The following KAZN variants were observed in gnomAD, a reference collection of about 807,000 sequenced individuals.
KAZN encodes kazrin.
Under a neutral mutation model 87.4 loss-of-function variants are expected in KAZN, and 40 were observed. The observed-to-expected ratio is 0.46, with a 90% confidence interval of 0.36 to 0.60. The LOEUF (loss-of-function observed/expected upper bound fraction) is 0.60. KAZN is among the 20% of genes least tolerant of loss of function. The pLI is 0.00. For synonymous variants in KAZN, 466 were observed against 458.3 expected (o/e 1.02, Z -0.22); for missense variants, 898 against 1,073.9 (o/e 0.84, Z 2.29).
intron 4 of KAZN, among the ~76,000 whole-genome samples, chr1:15,049,475 C>A (rs2100416815): frequency 6.6e-6 from 1 of 152,292 alleles, no homozygotes; most frequent in East Asian, 1.9e-4. Flanking sequence ...GCAGCACCCC[C>A]TCCACCCCAG....
chr1:14,435,868 A>C (rs907178938), intron 2 of KAZN, among the ~76,000 whole-genome samples: 1 of 151,624 alleles, frequency 6.6e-6, no homozygotes, highest in African/African-American at 2.4e-5. Context: ...ACGATATCTT[A>C]GAATGGGGAT....
At chr1:14,445,135 T>C (rs1203773792) in intron 2 of KAZN, among the ~76,000 whole-genome samples, 2 of 151,940 alleles carry the variant, frequency 1.3e-5, no homozygotes, top group African/African-American at 2.4e-5. Context: ...AAGCTATTCT[T>C]CTGCCTCAGC....
chr1:14,399,898 T>TCTC (rs1663240662), intron 2 of KAZN, among the ~76,000 whole-genome samples: 1 of 152,202 alleles, frequency 6.6e-6, no homozygotes, highest in African/African-American at 2.4e-5. Flanking sequence ...ATGGCATTTA[T>TCTC]ACCCTGTTCA....
intron 2 of KAZN, among the ~76,000 whole-genome samples, chr1:14,465,803 A>G (rs183900982): frequency 5.8e-4 from 89 of 152,322 alleles, no homozygotes; most frequent in Non-Finnish European, 1.0e-3. Flanking sequence ...TAGGCCAAAT[A>G]AAAAATGTCT....
chr1:14,418,569 A>G (rs796747335), intron 2 of KAZN, among the ~76,000 whole-genome samples: 36 of 152,350 alleles, frequency 2.4e-4, no homozygotes, highest in African/African-American at 8.7e-4. Context: ...ATTTATCACC[A>G]TCAGGCAAGG....
At position 15,016,179 on chromosome 1, in the gene KAZN, C is replaced by T. The variant is rs923028666; in HGVS notation, c.419-18570C>T. Among the ~76,000 whole-genome samples the T allele has an allele frequency of 4.6e-5, 7 of 152,178 alleles. No individual in the cohort carries two copies. In the South Asian group the frequency reaches 6.2e-4, roughly 13 times the overall value. On this transcript the variant is annotated intron_variant, in intron 2 of 14. Transcript: ENST00000376030. ...TCAGGGTGACACATCTACAGGCCGA[C>T]GGACGCCAGGGACTGTGGCGAAACT...
chr1:14,557,125 C>T (rs1458812702), intron 2 of KAZN, among the ~76,000 whole-genome samples: 6 of 151,908 alleles, frequency 3.9e-5, no homozygotes, highest in South Asian at 2.1e-4. Flanking sequence ...GCAGAAATAA[C>T]GTGGGCAAAT....
At chr1:14,948,116 G>A (rs914649099) in intron 1 of KAZN, among the ~76,000 whole-genome samples, 2 of 152,192 alleles carry the variant, frequency 1.3e-5, no homozygotes, top group African/African-American at 4.8e-5. Context: ...TTGTAGGGAA[G>A]CTAAGTGCCC....
chr1:14,940,478 G>T (rs1660930484), intron 1 of KAZN, among the ~76,000 whole-genome samples: 2 of 152,210 alleles, frequency 1.3e-5, no homozygotes, highest in Non-Finnish European at 2.9e-5. Context: ...TGGCACGGGG[G>T]CCAGCTTCGT....
At chr1:14,081,278 C>G (rs1392088453) in intron 1 of KAZN, among the ~76,000 whole-genome samples, 1 of 152,016 alleles carries the variant, frequency 6.6e-6, no homozygotes, top group African/African-American at 2.4e-5. Flanking sequence ...CACTTGGGGC[C>G]CCGTTGTTGA....
intron 6 of KAZN, 31 bp from the exon 7 acceptor site, chr1:15,063,541 G>A: frequency 6.2e-7 from 1 of 1,605,524 alleles, no homozygotes; most frequent in Non-Finnish European, 8.5e-7. Context: ...TGTCTCTGCT[G>A]TTTCATCTTC....
intron 2 of KAZN, among the ~76,000 whole-genome samples, chr1:14,354,909 AACTTT>A (rs1239779235): frequency 6.6e-6 from 1 of 152,240 alleles, no homozygotes; most frequent in African/African-American, 2.4e-5. Flanking sequence ...TATTCATAGT[AACTTT>A]ATTCATAATA....
intron 2 of KAZN, among the ~76,000 whole-genome samples, chr1:14,503,672 A>G (rs1346197033): frequency 1.3e-5 from 2 of 151,630 alleles, no homozygotes; most frequent in Admixed American, 1.3e-4. Flanking sequence ...ACCGTCTCCC[A>G]TGTCCAACCC....
At chr1:14,477,364 CG>C (rs1432848342) in intron 2 of KAZN, among the ~76,000 whole-genome samples, 1 of 151,942 alleles carries the variant, frequency 6.6e-6, no homozygotes, top group Non-Finnish European at 1.5e-5. Context: ...TTCCCAGCTT[CG>C]GGTACGTCTT....
intron 1 of KAZN, among the ~76,000 whole-genome samples, chr1:14,094,293 T>C (rs1644078310): frequency 6.6e-6 from 1 of 152,158 alleles, no homozygotes; most frequent in Admixed American, 6.5e-5. Flanking sequence ...AGTTCAGCGA[T>C]TCTGGAGGGC....
At chr1:15,006,147 A>G (rs111242082) in intron 2 of KAZN, among the ~76,000 whole-genome samples, 23 of 152,364 alleles carry the variant, frequency 1.5e-4, no homozygotes, top group African/African-American at 5.3e-4. Context: ...CAGCAAACAT[A>G]AAAACCAAAG....
intron 10 of KAZN, among the ~76,000 whole-genome samples, chr1:15,100,396 A>G (rs964285557): frequency 1.3e-5 from 2 of 152,156 alleles, no homozygotes; most frequent in African/African-American, 2.4e-5. Flanking sequence ...TGGCTTTGCA[A>G]GCCCACCACT....
At chr1:14,122,559 A>T (rs1644774716) in intron 1 of KAZN, among the ~76,000 whole-genome samples, 1 of 152,212 alleles carries the variant, frequency 6.6e-6, no homozygotes, top group Admixed American at 6.5e-5. Context: ...GACCCAGCTC[A>T]CATAGTTGAT....
intron 1 of KAZN, among the ~76,000 whole-genome samples, chr1:14,039,873 T>C (rs971908171): frequency 4.6e-5 from 7 of 152,208 alleles, no homozygotes; most frequent in African/African-American, 1.7e-4. Context: ...CTGTTTCCAA[T>C]CAATTCCAAT....
Sources: gnomAD v4.1 joint callset for allele counts (sites outside exome capture counted in the v4.1 genomes callset) on GRCh38, gnomAD v4.1.1 for gene constraint, MANE v1.5 for transcripts, NCBI Gene and HGNC (gene_info 2026-07-23, HGNC 2026-07-21) for gene names.